The following CFAP77 variants were observed in gnomAD, a reference collection of about 807,000 sequenced individuals.
The protein encoded by CFAP77 is cilia and flagella associated protein 77.
CFAP77 carries 25 observed loss-of-function variants against 31.1 expected under a neutral mutation model. The observed-to-expected ratio is 0.80, with a 90% CI of 0.59 to 1.12. The LOEUF is 1.12. Ranked by LOEUF, CFAP77 falls within the 50% of genes most tolerant of loss-of-function variation. The pLI, the probability that CFAP77 is intolerant of heterozygous loss-of-function variation, is 0.00. For missense variants in CFAP77, 377 were observed against 397.3 expected (o/e 0.95, Z 0.44); for synonymous variants, 151 against 159.9 (o/e 0.94, Z 0.42).
At chr9:132,557,490 C>T (rs1481197297) in intron 5 of CFAP77, among the ~76,000 whole-genome samples, 3 of 152,202 alleles carry the variant, frequency 2.0e-5, no homozygotes, top group South Asian at 2.1e-4. Flanking sequence ...AGGCTGAGGA[C>T]GGTTTTAGGG....
chr9:132,457,564 G>A (rs1049015844), intron 1 of CFAP77, among the ~76,000 whole-genome samples: 1 of 152,216 alleles, frequency 6.6e-6, no homozygotes, highest in African/African-American at 2.4e-5. Flanking sequence ...GCTTAGTGCA[G>A]GGAGAAATAC....
intron 1 of CFAP77, among the ~76,000 whole-genome samples, chr9:132,439,986 A>G (rs1399205922): frequency 2.6e-5 from 4 of 152,070 alleles, no homozygotes; most frequent in Admixed American, 2.0e-4. Flanking sequence ...ATCGTAGATC[A>G]TCATCATCAA....
At chr9:132,474,999 G>T (rs567770206) in intron 1 of CFAP77, among the ~76,000 whole-genome samples, 1 of 152,192 alleles carries the variant, frequency 6.6e-6, no homozygotes, top group Non-Finnish European at 1.5e-5. Context: ...GAATTCTGGG[G>T]TGTGGAAGAG....
chr9:132,414,936 G>A (rs1031078098), intron 1 of CFAP77, among the ~76,000 whole-genome samples: 1 of 152,064 alleles, frequency 6.6e-6, no homozygotes, highest in Admixed American at 6.5e-5. Flanking sequence ...TGATGCTGGC[G>A]AACATAAAGG....
At chr9:132,474,335 C>T (rs1851311506) in intron 1 of CFAP77, among the ~76,000 whole-genome samples, 1 of 152,184 alleles carries the variant, frequency 6.6e-6, no homozygotes, top group South Asian at 2.1e-4. Flanking sequence ...GGACATCATT[C>T]ATTTATTCAC....
At chr9:132,516,511 G>A (rs1263511114) in intron 3 of CFAP77, among the ~76,000 whole-genome samples, 1 of 152,026 alleles carries the variant, frequency 6.6e-6, no homozygotes, top group East Asian at 1.9e-4. Flanking sequence ...AGAGGAGAGA[G>A]CTTGTGGGAA....
chr9:132,459,807 GTA>G (rs1455903315), intron 1 of CFAP77, among the ~76,000 whole-genome samples: 10 of 150,368 alleles, frequency 6.7e-5, no homozygotes, highest in Non-Finnish European at 4.4e-5. Flanking sequence ...AGCGATGTGT[GTA>G]TGTGTGTGTA....
intron 5 of CFAP77, among the ~76,000 whole-genome samples, chr9:132,550,424 C>T (rs1187643724): frequency 1.3e-5 from 2 of 151,846 alleles, no homozygotes; most frequent in Non-Finnish European, 2.9e-5. Flanking sequence ...TCTAGCTCAT[C>T]TCCAGGAGAA....
chr9:132,562,960 A>T (rs1195432793), intron 5 of CFAP77, among the ~76,000 whole-genome samples: 1 of 151,812 alleles, frequency 6.6e-6, no homozygotes, highest in Non-Finnish European at 1.5e-5. Context: ...AGCCTCCCAA[A>T]GTGCTGGGAT....
Position 132,521,255 on chromosome 9 carries a change from C to A in CFAP77, c.525-16346C>A, listed in dbSNP as rs142649192. 3.4e-4 allele frequency among the ~76,000 whole-genome samples: 52 copies of A among 152,302 alleles called. No homozygotes were observed. In the East Asian group the frequency reaches 9.9e-3, roughly 29 times the overall value. On this transcript the variant is annotated intron_variant, in intron 3 of 5. Coordinates refer to ENST00000393216, the MANE Select transcript of CFAP77 (RefSeq NM_001282957.2). The stretch of plus-strand genomic sequence containing the variant: ...AGGCCACGTGTCCTCGGTGCTTGCA[C>A]CCGTCCTGAAGGATATCGGGGCCAC...
At chr9:132,567,320 G>A (rs1829896637) in intron 5 of CFAP77, among the ~76,000 whole-genome samples, 1 of 152,240 alleles carries the variant, frequency 6.6e-6, no homozygotes, top group Non-Finnish European at 1.5e-5. Flanking sequence ...CTGGCACACA[G>A]TAGGTACTTA....
At chr9:132,447,496 C>T (rs1850745994) in intron 1 of CFAP77, among the ~76,000 whole-genome samples, 1 of 152,336 alleles carries the variant, frequency 6.6e-6, no homozygotes, top group Non-Finnish European at 1.5e-5. Flanking sequence ...TGTCTTCACT[C>T]GCCAGCTTGG....
intron 5 of CFAP77, among the ~76,000 whole-genome samples, chr9:132,566,724 A>G (rs1490860484): frequency 1.3e-5 from 2 of 152,184 alleles, no homozygotes; most frequent in Non-Finnish European, 2.9e-5. Context: ...TGCCAGGCCC[A>G]GGCACTAAGC....
chr9:132,480,100 T>C lies in CFAP77; in HGVS notation c.196-18595T>C, dbSNP rs1204635258. Among the ~76,000 whole-genome samples, 4 of 152,100 alleles carry C rather than the reference T, an allele frequency of 2.6e-5. No individual in the cohort carries two copies. Among genetic ancestry groups the C allele is most frequent in the African/African-American group, 9.7e-5 (4 of 41,404 alleles). On this transcript the variant is annotated intron_variant, in intron 1 of 5. Transcript: ENST00000393216. This position sits in a 1 kb window ranked among gnomAD's most constrained non-coding sequence, Gnocchi z 5.8. ...AAATCAACCGGCTCAGCCCCCTCAT[T>C]TTGCAGATGGGACCACTGAGGCCAG...
intron 1 of CFAP77, among the ~76,000 whole-genome samples, chr9:132,438,199 CAAAA>C (rs954482789): frequency 6.3e-5 from 3 of 47,884 alleles, no homozygotes; most frequent in Non-Finnish European, 1.3e-4. Context: ...GAGACGCCAT[CAAAA>C]AAAAAAAAAA....
intron 1 of CFAP77, among the ~76,000 whole-genome samples, chr9:132,477,333 C>A (rs1451428287): frequency 6.6e-6 from 1 of 152,178 alleles, no homozygotes; most frequent in Non-Finnish European, 1.5e-5. Flanking sequence ...GCACCTACTA[C>A]GTGCCAAGAA....
At chr9:132,483,558 A>G (rs1851487322) in intron 1 of CFAP77, among the ~76,000 whole-genome samples, 1 of 152,076 alleles carries the variant, frequency 6.6e-6, no homozygotes, top group African/African-American at 2.4e-5. Flanking sequence ...TTCCCCCACC[A>G]CAGCCTTTCA....
chr9:132,491,024 C>T (rs142739470), intron 1 of CFAP77, among the ~76,000 whole-genome samples: 2 of 152,114 alleles, frequency 1.3e-5, no homozygotes, highest in African/African-American at 2.4e-5. Flanking sequence ...TGGGTGCGCC[C>T]TGCGAGGGTG....
rs1365200684 is a variant in CFAP77, at chr9:132,480,198, C to A, written c.196-18497C>A. Among the ~76,000 whole-genome samples the A allele has an allele frequency of 6.6e-6, 1 of 152,234 alleles. No homozygotes were observed. Among genetic ancestry groups the A allele is most frequent in the East Asian group, 1.9e-4 (1 of 5,200 alleles). ...CCAGGAGCCACCAGACTCCCTCTTGCTCCTGGTCCCTGCCCACCTGCTAGT... is the reference window on the plus strand; with the variant it reads ...CCAGGAGCCACCAGACTCCCTCTTGATCCTGGTCCCTGCCCACCTGCTAGT... On this transcript the variant is annotated intron_variant, in intron 1 of 5. Transcript: ENST00000393216. This position sits in a 1 kb window ranked among gnomAD's most constrained non-coding sequence, Gnocchi z 5.8.
Sources: gnomAD v4.1 joint callset for allele counts (sites outside exome capture counted in the v4.1 genomes callset) on GRCh38, gnomAD v4.1.1 for gene constraint, Gnocchi (gnomAD v3.1) non-coding constraint, MANE v1.5 for transcripts, NCBI Gene and HGNC (gene_info 2026-07-23, HGNC 2026-07-21) for gene names.